The following PPP1R12A variants were observed in gnomAD, a reference collection of about 807,000 sequenced individuals.
PPP1R12A encodes the protein myosin binding subunit.
In PPP1R12A, 19 loss-of-function variants were observed where a neutral mutation model predicts 139.6. That is an observed-to-expected ratio of 0.14 (90% CI 0.09 to 0.20). The LOEUF (loss-of-function observed/expected upper bound fraction) is 0.20, where lower values mean the gene tolerates loss of function less well. Among genes scored for constraint, PPP1R12A ranks in the 10% least tolerant of loss-of-function variants. PPP1R12A has a pLI of 1.00. For missense variants in PPP1R12A, 925 were observed against 1,211.5 expected, an observed-to-expected ratio of 0.76 and a Z score of 3.51; for synonymous variants, 427 against 420.6, an observed-to-expected ratio of 1.02 and a Z score of -0.19.
In PPP1R12A at chr12:79,934,992, A is replaced by G. The variant is rs1388754578; in HGVS notation, c.-61T>C. 1 of 1,512,002 alleles carries G rather than the reference A, an allele frequency of 6.6e-7. No individual in the cohort carries two copies. Among genetic ancestry groups the G allele is most frequent in the Non-Finnish European group, 8.9e-7 (1 of 1,126,888 alleles). The allele number at this position is 1,512,002 out of a possible 1,614,324, so 93.7% of individuals were successfully genotyped here. A position where few individuals can be genotyped will look rare whatever the true frequency, so the allele number is the denominator to read the frequency against. ...GGGGGAAGGGGGAGGCGGAGAGGGAAGAGAGGGGAGGCAGGGGGTGTGTGA... is the reference window on the plus strand; with the variant it reads ...GGGGGAAGGGGGAGGCGGAGAGGGAGGAGAGGGGAGGCAGGGGGTGTGTGA... On this transcript the variant is annotated 5_prime_UTR_variant, in exon 1 of 25. Transcript: ENST00000450142.
At chr12:79,892,480 T>C (rs925013026) in intron 1 of PPP1R12A, among the ~76,000 whole-genome samples, 1 of 152,182 alleles carries the variant, frequency 6.6e-6, no homozygotes, top group African/African-American at 2.4e-5. Context: ...ACAGGGCAAA[T>C]GGCAATAATT....
intron 1 of PPP1R12A, among the ~76,000 whole-genome samples, chr12:79,873,452 C>A (rs1351866109): frequency 1.3e-5 from 2 of 151,248 alleles, no homozygotes; most frequent in Non-Finnish European, 2.9e-5. Flanking sequence ...AAAAACCCCA[C>A]CTCTATTAAC....
chr12:79,868,431 G>A (rs1422325524), intron 2 of PPP1R12A, among the ~76,000 whole-genome samples: 1 of 152,118 alleles, frequency 6.6e-6, no homozygotes, highest in Non-Finnish European at 1.5e-5. Flanking sequence ...TAGTTTGCTA[G>A]GACTACCATA....
At chr12:79,862,943 A>G (rs1028521459) in intron 2 of PPP1R12A, among the ~76,000 whole-genome samples, 23 of 152,212 alleles carry the variant, frequency 1.5e-4, no homozygotes, top group Non-Finnish European at 3.4e-4. Flanking sequence ...GCAGGCCAAC[A>G]TTCAAATTCA....
rs193076456 is a variant in PPP1R12A, at chr12:79,800,532, A to G, written c.2001-1948T>C. On this transcript the variant is annotated intron_variant, in intron 14 of 24. Transcript: ENST00000450142. ...TAAGGCTGGCAGTCAATGGTAGGCT[A>G]TTAATTTAGATTAGGGGGACTCAAA... 4.0e-5 allele frequency among the ~76,000 whole-genome samples: 6 copies of G among 151,880 alleles called. No homozygotes were observed. The East Asian group carries it at 1.2e-3, about 29-fold the overall frequency.
intron 1 of PPP1R12A, among the ~76,000 whole-genome samples, chr12:79,925,655 A>G (rs1487281282): frequency 1.3e-5 from 2 of 152,196 alleles, no homozygotes; most frequent in African/African-American, 4.8e-5. Context: ...AACACATGAC[A>G]ATGTGGAATG....
intron 1 of PPP1R12A, among the ~76,000 whole-genome samples, chr12:79,908,309 T>A (rs1392827903): frequency 6.6e-6 from 1 of 152,254 alleles, no homozygotes; most frequent in Admixed American, 6.5e-5. Context: ...AGTGGAAGCA[T>A]CTATGATAAC....
At chr12:79,849,971 A>AT (rs564362120) in intron 2 of PPP1R12A, among the ~76,000 whole-genome samples, 87 of 152,132 alleles carry the variant, frequency 5.7e-4, no homozygotes, top group African/African-American at 2.0e-3. Context: ...ATACAAGAAC[A>AT]TACTACAACA....
chr12:79,843,373 G>A (rs1240540812), intron 3 of PPP1R12A, among the ~76,000 whole-genome samples: 1 of 151,798 alleles, frequency 6.6e-6, no homozygotes, highest in Non-Finnish European at 1.5e-5. Flanking sequence ...GTCAGGAGGT[G>A]GAGACCAGCC....
chr12:79,924,560 C>G (rs900970675), intron 1 of PPP1R12A, among the ~76,000 whole-genome samples: 2 of 152,114 alleles, frequency 1.3e-5, no homozygotes, highest in African/African-American at 2.4e-5. Context: ...TCCTGAGTAG[C>G]TGGGACCACA....
At chr12:79,793,207 C>CACAGCCAA (rs1342080680) in intron 19 of PPP1R12A, among the ~76,000 whole-genome samples, 5 of 152,176 alleles carry the variant, frequency 3.3e-5, no homozygotes, top group African/African-American at 1.2e-4. Context: ...TAGCTTTCTA[C>CACAGCCAA]ACAGCCAAAC....
In PPP1R12A at chr12:79,775,751, C is replaced by T. The variant is rs1263188574; in HGVS notation, c.*178G>A. The T allele has an allele frequency of 1.0e-5, 4 of 397,590 alleles. No homozygotes were observed. The highest frequency in any genetic ancestry group is 2.1e-5 in the African/African-American group (1 of 47,416). The allele number at this position is 397,590 out of a possible 1,614,324, so 24.6% of individuals were successfully genotyped here. ...AAAACAAAAAACAAACCAACAACAA[C>T]AAAAACACCCCAGAAAATTAAACAA... On this transcript the variant is annotated 3_prime_UTR_variant, in exon 25 of 25. Transcript: ENST00000450142.
chr12:79,922,794 A>C (rs1481789637), intron 1 of PPP1R12A, among the ~76,000 whole-genome samples: 1 of 152,214 alleles, frequency 6.6e-6, no homozygotes, highest in Admixed American at 6.5e-5. Context: ...TAGCATAAGT[A>C]TACCCATGTA....
chr12:79,824,205 AT>A (rs1429893692), intron 5 of PPP1R12A, among the ~76,000 whole-genome samples: 1 of 152,198 alleles, frequency 6.6e-6, no homozygotes, highest in East Asian at 1.9e-4. Flanking sequence ...ATACATGTTA[AT>A]TCTAGTTTTG....
chr12:79,861,026 G>A (rs956725337), intron 2 of PPP1R12A, among the ~76,000 whole-genome samples: 9 of 152,164 alleles, frequency 5.9e-5, no homozygotes, highest in Non-Finnish European at 1.0e-4. Flanking sequence ...AAACACTTTG[G>A]TGCTGATTTC....
At chr12:79,811,036 A>T (rs1874460180) in intron 9 of PPP1R12A, among the ~76,000 whole-genome samples, 1 of 152,202 alleles carries the variant, frequency 6.6e-6, no homozygotes, top group Non-Finnish European at 1.5e-5. Flanking sequence ...TGTTATCTTT[A>T]GATCACTTCA....
chr12:79,780,665 T>C (rs1434338499), intron 23 of PPP1R12A: 1 of 152,182 alleles, frequency 6.6e-6, no homozygotes, highest in Non-Finnish European at 1.5e-5. Context: ...ACCGTTAGTA[T>C]AACAGAGAAC....
intron 1 of PPP1R12A, among the ~76,000 whole-genome samples, chr12:79,930,367 C>T (rs1439650940): frequency 6.6e-6 from 1 of 152,052 alleles, no homozygotes; most frequent in African/African-American, 2.4e-5. Context: ...AGAGGAATAA[C>T]ACCATCAAAA....
chr12:79,876,344 C>A (rs1420669078), intron 1 of PPP1R12A, among the ~76,000 whole-genome samples: 1 of 152,182 alleles, frequency 6.6e-6, no homozygotes, highest in Non-Finnish European at 1.5e-5. Context: ...CAATACCATG[C>A]ACAGTTCTTG....
Sources: gnomAD v4.1 joint callset for allele counts (sites outside exome capture counted in the v4.1 genomes callset) on GRCh38, gnomAD v4.1.1 for gene constraint, MANE v1.5 for transcripts, NCBI Gene and HGNC (gene_info 2026-07-23, HGNC 2026-07-21) for gene names.